The following AKAIN1 variants were observed in gnomAD, a reference collection of about 807,000 sequenced individuals.
The protein encoded by AKAIN1 is A-kinase anchor protein inhibitor 1.
In AKAIN1, 3 loss-of-function variants were observed where a neutral mutation model predicts 3.7. That is an observed-to-expected ratio of 0.82 (90% CI 0.37 to 2.12). The LOEUF (loss-of-function observed/expected upper bound fraction) is 2.12. Among genes scored for constraint, AKAIN1 ranks in the 30% most tolerant of loss-of-function variants. The probability of loss-of-function intolerance (pLI) is 0.06; values close to 1 mark genes in which losing one functional copy is unlikely to be tolerated. For missense variants in AKAIN1, 82 were observed against 82.7 expected (o/e 0.99, Z 0.03); for synonymous variants, 31 against 30.8 (o/e 1.01, Z -0.02).
Position 5,145,648 on chromosome 18 carries a change from G to A in AKAIN1, c.124C>T (p.Gln42Ter). Residue 42 changes from glutamine (Q) to a stop codon, truncating the protein, a stop_gained, in exon 2 of 2, where the codon CAG becomes TAG. Transcript: ENST00000434239. LOFTEE classifies it low-confidence loss of function (END_TRUNC). ...QAVQQVSQES[Q>*]RREERISDNR... is the part of the protein sequence containing the mutation. ...TCACTGATTCTCTCTTCTCTGCGCT[G>A]ACTCTCCTGGGAGACTTGCTGCACA... 1 of 1,551,648 alleles carries A rather than the reference G, an allele frequency of 6.4e-7. No homozygotes were observed. Among genetic ancestry groups the A allele is most frequent in the Non-Finnish European group, 8.7e-7 (1 of 1,146,952 alleles).
At chr18:5,181,738 C>T (rs1166755447) in intron 1 of AKAIN1, among the ~76,000 whole-genome samples, 1 of 152,092 alleles carries the variant, frequency 6.6e-6, no homozygotes, top group Non-Finnish European at 1.5e-5. Context: ...CTAGTGACTG[C>T]ATGGTTGTTT....
At chr18:5,150,789 T>C (rs1276252287) in intron 1 of AKAIN1, among the ~76,000 whole-genome samples, 4 of 152,224 alleles carry the variant, frequency 2.6e-5, no homozygotes, top group Non-Finnish European at 5.9e-5. Context: ...TGGTTAATAA[T>C]TGGTCTAATT....
chr18:5,172,059 G>A (rs778197433), intron 1 of AKAIN1, among the ~76,000 whole-genome samples: 6 of 152,120 alleles, frequency 3.9e-5, no homozygotes, highest in African/African-American at 7.2e-5. Context: ...TGGAACTGGA[G>A]GACATTGTGT....
At chr18:5,182,493 G>A (rs1221108821) in intron 1 of AKAIN1, among the ~76,000 whole-genome samples, 1 of 151,850 alleles carries the variant, frequency 6.6e-6, no homozygotes, top group Admixed American at 6.6e-5. Context: ...TTTACCCAAT[G>A]CCACTAAATG....
Position 5,145,645 on chromosome 18 carries a change from G to A in AKAIN1, c.127C>T (p.Arg43Cys), listed in dbSNP as rs376977829. 1.5e-5 allele frequency: 23 copies of A among 1,551,500 alleles called. No homozygotes were observed. The highest frequency in any genetic ancestry group is 1.7e-4 in the Middle Eastern group (1 of 6,012). ...AVQQVSQESQ[R>C]REERISDNRD... ...TTGTCACTGATTCTCTCTTCTCTGC[G>A]CTGACTCTCCTGGGAGACTTGCTGC... Residue 43 changes from arginine (R) to cysteine (C), a missense_variant, in exon 2 of 2, where the codon CGC becomes TGC. Coordinates refer to ENST00000434239, the MANE Select transcript of AKAIN1 (RefSeq NM_001145194.2).
chr18:5,155,415 C>A (rs2071102228), intron 1 of AKAIN1, among the ~76,000 whole-genome samples: 1 of 152,146 alleles, frequency 6.6e-6, no homozygotes, highest in African/African-American at 2.4e-5. Flanking sequence ...TTCATGACTC[C>A]TCCTGTAGCT....
chr18:5,159,165 G>A (rs1422331018), intron 1 of AKAIN1, among the ~76,000 whole-genome samples: 2 of 147,974 alleles, frequency 1.4e-5, no homozygotes, highest in African/African-American at 2.4e-5. Context: ...AAGATCAGAT[G>A]TTTTACGTCT....
In AKAIN1 at chr18:5,197,209, A is replaced by C. The variant is rs920042855; in HGVS notation, c.-156T>G. 164 of 1,398,494 alleles carry C rather than the reference A, an allele frequency of 1.2e-4. No homozygotes were observed. The highest frequency in any genetic ancestry group is 9.0e-4 in the East Asian group (31 of 34,520). The allele number at this position is 1,398,494 out of a possible 1,614,324, so 86.6% of individuals were successfully genotyped here. A position where few individuals can be genotyped will look rare whatever the true frequency, so the allele number is the denominator to read the frequency against. On this transcript the variant is annotated 5_prime_UTR_variant, in exon 1 of 2. Coordinates refer to ENST00000434239, the MANE Select transcript of AKAIN1 (RefSeq NM_001145194.2). This position sits in a 1 kb window ranked among gnomAD's most constrained non-coding sequence, Gnocchi z 6.9. ...CACCCCGGACAGCTCCCGCCGCTAG[A>C]TCCTGGGGCCGCAGCTCCAGCCGCC...
chr18:5,149,173 T>C, intron 1 of AKAIN1, among the ~76,000 whole-genome samples: 1 of 152,152 alleles, frequency 6.6e-6, no homozygotes, highest in East Asian at 1.9e-4. Flanking sequence ...TCGTTTTGGA[T>C]CACACATACC....
intron 1 of AKAIN1, among the ~76,000 whole-genome samples, chr18:5,186,082 G>A (rs2071285698): frequency 6.6e-6 from 1 of 152,110 alleles, no homozygotes; most frequent in African/African-American, 2.4e-5. Flanking sequence ...ATGCACGGAT[G>A]GAGCTGGAGG....
intron 1 of AKAIN1, among the ~76,000 whole-genome samples, chr18:5,181,470 T>C (rs1045621800): frequency 2.6e-5 from 4 of 152,150 alleles, no homozygotes; most frequent in Admixed American, 1.3e-4. Context: ...AGTCGTTCCT[T>C]GCTGAAAAGT....
intron 1 of AKAIN1, among the ~76,000 whole-genome samples, chr18:5,161,150 A>C (rs1371434785): frequency 6.6e-6 from 1 of 152,050 alleles, no homozygotes; most frequent in Admixed American, 6.6e-5. Flanking sequence ...CACTTGGGAA[A>C]ATTAGATCTT....
chr18:5,169,404 T>C (rs1471519553), intron 1 of AKAIN1, among the ~76,000 whole-genome samples: 1 of 152,032 alleles, frequency 6.6e-6, no homozygotes, highest in African/African-American at 2.4e-5. Context: ...TAGGTGAAAT[T>C]CACAGCAAGG....
Position 5,143,450 on chromosome 18 carries a change from G to T in AKAIN1, c.*2112C>A, listed in dbSNP as rs972590259. Among the ~76,000 whole-genome samples, 2 of 152,102 alleles carry T rather than the reference G, an allele frequency of 1.3e-5. No homozygotes were observed. Among genetic ancestry groups the T allele is most frequent in the South Asian group, 4.1e-4 (2 of 4,820 alleles). ...AGACCCACTTACCTTGAATTTTTTAGATCAAAAGACCACTTCTTAGCATAC... is the reference window on the plus strand; with the variant it reads ...AGACCCACTTACCTTGAATTTTTTATATCAAAAGACCACTTCTTAGCATAC... On this transcript the variant is annotated 3_prime_UTR_variant, in exon 2 of 2. Coordinates refer to ENST00000434239, the MANE Select transcript of AKAIN1 (RefSeq NM_001145194.2).
intron 1 of AKAIN1, among the ~76,000 whole-genome samples, chr18:5,195,380 G>C (rs899371536): frequency 6.6e-6 from 1 of 152,116 alleles, no homozygotes; most frequent in Non-Finnish European, 1.5e-5. Context: ...TCACGATCTT[G>C]CTTTTAGAAA....
chr18:5,181,211 G>A (rs550221807), intron 1 of AKAIN1, among the ~76,000 whole-genome samples: 1 of 152,222 alleles, frequency 6.6e-6, no homozygotes, highest in South Asian at 2.1e-4. Context: ...AGGACTGATT[G>A]AGACCAGGAG....
chr18:5,164,433 T>A (rs1441774122), intron 1 of AKAIN1, among the ~76,000 whole-genome samples: 1 of 152,062 alleles, frequency 6.6e-6, no homozygotes, highest in East Asian at 1.9e-4. Flanking sequence ...AATAGAATGC[T>A]TCATTCACTG....
chr18:5,192,608 G>A (rs2071328282), intron 1 of AKAIN1, among the ~76,000 whole-genome samples: 1 of 152,004 alleles, frequency 6.6e-6, no homozygotes, highest in African/African-American at 2.4e-5. Flanking sequence ...CTTGGACTTG[G>A]AATTCCAGCC....
intron 1 of AKAIN1, among the ~76,000 whole-genome samples, 165 bp downstream of exon 1, chr18:5,196,873 G>C (rs1458256005): frequency 1.3e-5 from 2 of 152,184 alleles, no homozygotes; most frequent in Admixed American, 6.5e-5. Flanking sequence ...TGGGGAGAGG[G>C]GCGAAGGCGA....
Sources: allele counts gnomAD v4.1 joint callset (sites outside exome capture counted in the v4.1 genomes callset), GRCh38; gene constraint gnomAD v4.1.1; non-coding constraint Gnocchi (gnomAD v3.1); transcripts MANE v1.5; gene names NCBI Gene and HGNC (gene_info 2026-07-23, HGNC 2026-07-21).